Variants in CPVL observed in about 807,000 individuals in gnomAD.
CPVL encodes the protein probable serine carboxypeptidase CPVL.
A neutral mutation model predicts 63.7 loss-of-function variants in CPVL; 51 were observed. That is an observed-to-expected ratio of 0.80 (90% CI 0.64 to 1.01). The LOEUF is 1.01. Among genes scored for constraint, CPVL ranks in the 50% least tolerant of loss-of-function variants. The pLI is 0.00. For missense variants in CPVL, 530 were observed against 573.1 expected (o/e 0.92, Z 0.77); for synonymous variants, 195 against 206.0 (o/e 0.95, Z 0.46).
rs1031546623 is a variant in CPVL, at chr7:29,103,194, G to C, written c.289-6977C>G. On this transcript the variant is annotated intron_variant, in intron 3 of 12. Transcript: ENST00000265394. Reference sequence around the variant, plus strand: ...AGTTAATATACTGGGGGGGGGGGGGGGGTGCTAAAAACTTGCCAATTTCAG... The same window carrying C: ...AGTTAATATACTGGGGGGGGGGGGGCGGTGCTAAAAACTTGCCAATTTCAG... 1.4e-4 allele frequency among the ~76,000 whole-genome samples: 13 copies of C among 90,758 alleles called. 1 individual carries two copies. The highest frequency in any genetic ancestry group is 4.7e-4 in the Admixed American group (4 of 8,464). The allele number at this position is 90,758 out of a possible 152,430, so 59.5% of individuals were successfully genotyped here.
At chr7:29,037,572 A>AT (rs1491209270) in intron 11 of CPVL, among the ~76,000 whole-genome samples, 1 of 138,604 alleles carries the variant, frequency 7.2e-6, no homozygotes. Context: ...AAAAAAAAAA[A>AT]GAAAAGAAAA....
chr7:29,051,986 T>C (rs993305992), intron 11 of CPVL, among the ~76,000 whole-genome samples: 11 of 151,238 alleles, frequency 7.3e-5, no homozygotes, highest in African/African-American at 2.4e-4. Flanking sequence ...TAAAAAGGAA[T>C]GAATTAACGG....
intron 6 of CPVL, among the ~76,000 whole-genome samples, chr7:29,087,423 C>CA (rs56726137): frequency 0.32 from 22,933 of 70,816 alleles, 4,280 homozygotes; most frequent in African/African-American, 0.56. Flanking sequence ...GACTCTGTCT[C>CA]AAAAAAAAAA....
intron 1 of CPVL, among the ~76,000 whole-genome samples, chr7:29,191,247 A>G (rs1473841329): frequency 6.6e-6 from 1 of 152,212 alleles, no homozygotes; most frequent in African/African-American, 2.4e-5. Flanking sequence ...TTAATGGACT[A>G]AGGTAATGAA....
At chr7:29,057,028 G>A (rs956384991) in intron 11 of CPVL, among the ~76,000 whole-genome samples, 39 of 142,486 alleles carry the variant, frequency 2.7e-4, no homozygotes, top group African/African-American at 9.7e-4. Context: ...ATGACTTGCT[G>A]CAACCTTGAA....
intron 12 of CPVL, among the ~76,000 whole-genome samples, chr7:29,000,752 T>C (rs1784551893): frequency 6.6e-6 from 1 of 152,170 alleles, no homozygotes; most frequent in Non-Finnish European, 1.5e-5. Flanking sequence ...AAGCGTATGA[T>C]TCGGTAGCAT....
intron 6 of CPVL, among the ~76,000 whole-genome samples, chr7:29,092,141 T>C (rs146555521): frequency 1.6e-4 from 24 of 151,050 alleles, no homozygotes; most frequent in African/African-American, 4.9e-4. Flanking sequence ...AGAAATTATA[T>C]GGACACTGTT....
At chr7:29,029,970 C>G (rs1201071216) in intron 12 of CPVL, among the ~76,000 whole-genome samples, 6 of 152,188 alleles carry the variant, frequency 3.9e-5, no homozygotes, top group Non-Finnish European at 1.5e-5. Flanking sequence ...AAACAAATCT[C>G]CAAGCCCAGA....
At chr7:29,113,392 T>G (rs1788447996) in intron 2 of CPVL, among the ~76,000 whole-genome samples, 1 of 151,588 alleles carries the variant, frequency 6.6e-6, no homozygotes, top group African/African-American at 2.4e-5. Flanking sequence ...TGGTGGACAG[T>G]GGGGAGACTG....
intron 5 of CPVL, among the ~76,000 whole-genome samples, chr7:29,156,782 TAAAGAA>T (rs778038359): frequency 6.6e-6 from 1 of 151,286 alleles, no homozygotes; most frequent in Admixed American, 6.6e-5. Context: ...TCTGCATAGC[TAAAGAA>T]AAAGTCCAAG....
chr7:29,009,706 C>T (rs546911467), intron 12 of CPVL: 4 of 151,978 alleles, frequency 2.6e-5, no homozygotes, highest in South Asian at 4.2e-4. Context: ...TATATGGATA[C>T]GTATGTCTGC....
At chr7:29,063,394 C>T (rs1029421307) in intron 11 of CPVL, among the ~76,000 whole-genome samples, 2 of 152,118 alleles carry the variant, frequency 1.3e-5, no homozygotes, top group African/African-American at 4.8e-5. Flanking sequence ...TTATCCCTGA[C>T]GTCATTGGGA....
chr7:29,144,994 C>T (rs899199947), intron 1 of CPVL, among the ~76,000 whole-genome samples: 1 of 151,692 alleles, frequency 6.6e-6, no homozygotes, highest in African/African-American at 2.4e-5. Context: ...AAAACAACAT[C>T]TGGTTAAGAA....
At chr7:29,054,996 ATTGC>A (rs1213559758) in intron 11 of CPVL, among the ~76,000 whole-genome samples, 2 of 152,084 alleles carry the variant, frequency 1.3e-5, no homozygotes, top group African/African-American at 4.8e-5. Flanking sequence ...TTTCTCATTT[ATTGC>A]TTGTTTTGTA....
chr7:29,117,397 A>C (rs546330018), intron 2 of CPVL, among the ~76,000 whole-genome samples: 14 of 152,344 alleles, frequency 9.2e-5, no homozygotes, highest in African/African-American at 3.4e-4. Flanking sequence ...ATACAGAAAC[A>C]CCATGGTCAC....
At chr7:29,096,639 C>T (rs1040783489) in intron 3 of CPVL, among the ~76,000 whole-genome samples, 6 of 152,170 alleles carry the variant, frequency 3.9e-5, no homozygotes, top group African/African-American at 1.4e-4. Flanking sequence ...CTCAGTGACA[C>T]CTTCCCTTCT....
At chr7:29,176,739 CAAAT>C (rs1430937752) in intron 5 of CPVL, among the ~76,000 whole-genome samples, 4 of 152,014 alleles carry the variant, frequency 2.6e-5, no homozygotes, top group Non-Finnish European at 5.9e-5. Context: ...TATAAAACAA[CAAAT>C]AATGGCTAAC....
chr7:29,144,411 A>T (rs1006135405), intron 1 of CPVL, among the ~76,000 whole-genome samples: 1 of 152,138 alleles, frequency 6.6e-6, no homozygotes, highest in Non-Finnish European at 1.5e-5. Flanking sequence ...AGATACAAAA[A>T]TTAGCCGGGC....
intron 1 of CPVL, among the ~76,000 whole-genome samples, chr7:29,123,178 T>C (rs902332676): frequency 1.3e-5 from 2 of 152,198 alleles, no homozygotes; most frequent in Non-Finnish European, 2.9e-5. Flanking sequence ...TTTAACGACA[T>C]GCTTATTACA....
Sources: allele counts gnomAD v4.1 joint callset (sites outside exome capture counted in the v4.1 genomes callset), GRCh38; gene constraint gnomAD v4.1.1; transcripts MANE v1.5; gene names NCBI Gene and HGNC (gene_info 2026-07-23, HGNC 2026-07-21).